The following ADISSP variants were observed in gnomAD, a reference collection of about 807,000 sequenced individuals.
ADISSP encodes adipose-secreted signaling protein.
chr20:3,761,666 A>T, the ADISSP span, among the ~76,000 whole-genome samples: 2 of 152,118 alleles, frequency 1.3e-5, no homozygotes, highest in Non-Finnish European at 2.9e-5. Context: ...GAATGGCACA[A>T]GTTTGCAATG....
At chr20:3,756,114 A>T in the ADISSP span, among the ~76,000 whole-genome samples, 1 of 152,214 alleles carries the variant, frequency 6.6e-6, no homozygotes, top group Non-Finnish European at 1.5e-5. Context: ...GGATGACACC[A>T]GGCCACAGAT....
chr20:3,766,971 C>T, the ADISSP span, among the ~76,000 whole-genome samples: 3 of 152,124 alleles, frequency 2.0e-5, no homozygotes, highest in African/African-American at 4.8e-5. Context: ...TCCTTCATAC[C>T]ACCGGGAGGG....
chr20:3,759,994 G>GT, the ADISSP span: 1 of 1,601,470 alleles, frequency 6.2e-7, no homozygotes, highest in Non-Finnish European at 8.5e-7. This position sits in a 1 kb window ranked among gnomAD's most constrained non-coding sequence, Gnocchi z 4.6. Context: ...CACACAGGTG[G>GT]TGCGGGCCCT....
the ADISSP span, among the ~76,000 whole-genome samples, chr20:3,766,238 G>A: frequency 6.6e-6 from 1 of 152,230 alleles, no homozygotes; most frequent in African/African-American, 2.4e-5. Flanking sequence ...TTGAGATGGG[G>A]CCACACTGAC....
chr20:3,765,409 T>C, the ADISSP span, among the ~76,000 whole-genome samples: 5 of 152,230 alleles, frequency 3.3e-5, no homozygotes, highest in Admixed American at 3.3e-4. Context: ...CTGCCCTTGC[T>C]AGCTGCATGG....
the ADISSP span, among the ~76,000 whole-genome samples, chr20:3,761,336 G>T: frequency 8.8e-3 from 1,251 of 141,602 alleles, 11 homozygotes; most frequent in Non-Finnish European, 0.011. Context: ...TATGGTTTTT[G>T]TTTTTTTTTT....
chr20:3,759,043 G>A, the ADISSP span, among the ~76,000 whole-genome samples: 1 of 152,190 alleles, frequency 6.6e-6, no homozygotes, highest in Admixed American at 6.5e-5. The surrounding 1 kb of genome is among the most constrained non-coding windows in gnomAD (Gnocchi z 4.6). Context: ...CCTGCCCAGT[G>A]CTCTCCTTCA....
At chr20:3,754,026 T>C in the ADISSP span, 1 of 1,540,920 alleles carries the variant, frequency 6.5e-7, no homozygotes, top group Non-Finnish European at 9.0e-7. Context: ...GGTTTAAGGC[T>C]GAGGGGCCCG....
the ADISSP span, chr20:3,753,756 G>A: frequency 2.2e-6 from 1 of 459,218 alleles, no homozygotes. Flanking sequence ...GGCTTGGGGT[G>A]GGGAGTGGGG....
the ADISSP span, among the ~76,000 whole-genome samples, chr20:3,765,254 C>T: frequency 6.6e-6 from 1 of 152,202 alleles, no homozygotes; most frequent in Non-Finnish European, 1.5e-5. Flanking sequence ...TCCCCTGCTG[C>T]AGCTGTGTCC....
chr20:3,754,332 A>T, the ADISSP span: 1 of 1,583,098 alleles, frequency 6.3e-7, no homozygotes. Flanking sequence ...TTCCCTGAGG[A>T]GGACAGAAAC....
chr20:3,765,232 G>A, the ADISSP span, among the ~76,000 whole-genome samples: 1 of 152,166 alleles, frequency 6.6e-6, no homozygotes, highest in Non-Finnish European at 1.5e-5. Flanking sequence ...CAGGCAAAGA[G>A]GGCACTGGGC....
At chr20:3,759,196 AG>A in the ADISSP span, among the ~76,000 whole-genome samples, 1 of 152,102 alleles carries the variant, frequency 6.6e-6, no homozygotes, top group Non-Finnish European at 1.5e-5. The surrounding 1 kb of genome is among the most constrained non-coding windows in gnomAD (Gnocchi z 4.6). Flanking sequence ...TGGCAGAAAC[AG>A]GGGGGATCAA....
At chr20:3,768,062 G>C in the ADISSP span, 1 of 152,612 alleles carries the variant, frequency 6.6e-6, no homozygotes, top group South Asian at 2.1e-4. Flanking sequence ...TTCCGCCTGG[G>C]GGATAGCGCC....
At chr20:3,764,900 C>T in the ADISSP span, among the ~76,000 whole-genome samples, 2 of 152,256 alleles carry the variant, frequency 1.3e-5, no homozygotes, top group Non-Finnish European at 2.9e-5. Context: ...CTCTCCCTGG[C>T]CCCCACCAAG....
At chr20:3,758,262 T>C in the ADISSP span, among the ~76,000 whole-genome samples, 149 of 152,336 alleles carry the variant, frequency 9.8e-4, no homozygotes, top group Middle Eastern at 3.4e-3. This position sits in a 1 kb window ranked among gnomAD's most constrained non-coding sequence, Gnocchi z 5.5. Context: ...CTCAGGCCAC[T>C]GGCACCACAG....
At chr20:3,756,456 GCAAA>G in the ADISSP span, among the ~76,000 whole-genome samples, 1 of 23,786 alleles carries the variant, frequency 4.2e-5, no homozygotes, top group African/African-American at 1.3e-4. Flanking sequence ...ACGCCAGCAG[GCAAA>G]GGGTGCCTGC....
the ADISSP span, among the ~76,000 whole-genome samples, chr20:3,766,774 A>T: frequency 6.6e-6 from 1 of 152,172 alleles, no homozygotes; most frequent in East Asian, 1.9e-4. Flanking sequence ...TTTTCCCTCC[A>T]CAAAAGACCA....
chr20:3,766,770 C>G, the ADISSP span, among the ~76,000 whole-genome samples: 1 of 152,208 alleles, frequency 6.6e-6, no homozygotes, highest in Non-Finnish European at 1.5e-5. Flanking sequence ...TACATTTTCC[C>G]TCCACAAAAG....
Sources: allele counts gnomAD v4.1 joint callset (sites outside exome capture counted in the v4.1 genomes callset), GRCh38; gene constraint gnomAD v4.1.1; non-coding constraint Gnocchi (gnomAD v3.1); transcripts MANE v1.5; gene names NCBI Gene and HGNC (gene_info 2026-07-23, HGNC 2026-07-21).